Variants in L2HGDH observed in about 807,000 individuals in gnomAD.
L2HGDH encodes L-2-hydroxyglutarate dehydrogenase, mitochondrial.
L2HGDH carries 34 observed loss-of-function variants against 51.5 expected under a neutral mutation model. That is an observed-to-expected ratio of 0.66 (90% CI 0.50 to 0.88). L2HGDH has a LOEUF of 0.88. L2HGDH is among the 40% of genes least tolerant of loss of function. The pLI is 0.00. For missense variants in L2HGDH, 558 were observed against 571.9 expected (o/e 0.98, Z 0.25); for synonymous variants, 198 against 197.9 (o/e 1.00, Z -0.01).
At chr14:50,280,465 G>A (rs1890206643) in intron 5 of L2HGDH, among the ~76,000 whole-genome samples, 1 of 151,800 alleles carries the variant, frequency 6.6e-6, no homozygotes, top group South Asian at 2.1e-4. Flanking sequence ...GCGCCTCCCA[G>A]GTCACTGCTT....
At chr14:50,297,531 C>A (rs1022076724) in intron 3 of L2HGDH, among the ~76,000 whole-genome samples, 18 of 152,108 alleles carry the variant, frequency 1.2e-4, no homozygotes, top group African/African-American at 4.1e-4. Flanking sequence ...AAAAGCATCA[C>A]AAAGAATAAA....
intron 3 of L2HGDH, among the ~76,000 whole-genome samples, chr14:50,300,862 T>C (rs1424591066): frequency 6.6e-6 from 1 of 152,084 alleles, no homozygotes; most frequent in East Asian, 1.9e-4. Context: ...TCTCACTCTG[T>C]TGCCCAGGCT....
chr14:50,272,606 G>A (rs1273030379), intron 6 of L2HGDH, among the ~76,000 whole-genome samples: 1 of 152,120 alleles, frequency 6.6e-6, no homozygotes, highest in Non-Finnish European at 1.5e-5. Context: ...CTGAACACTT[G>A]ACCACAGGTC....
At position 50,243,016 on chromosome 14, in the gene L2HGDH, T is replaced by C. The variant is rs1287737169; in HGVS notation, c.*4042A>G. ...GGCCAGGGCCTGGCAGTATACCCCATTCTCACCACCATCCTTTGAAGAAAG... is the reference window on the plus strand; with the variant it reads ...GGCCAGGGCCTGGCAGTATACCCCACTCTCACCACCATCCTTTGAAGAAAG... On this transcript the variant is annotated 3_prime_UTR_variant, in exon 10 of 10. Coordinates refer to ENST00000267436, the MANE Select transcript of L2HGDH (RefSeq NM_024884.3). 1 of 985,328 alleles carries C rather than the reference T, an allele frequency of 1.0e-6. No homozygotes were observed. Among genetic ancestry groups the C allele is most frequent in the South Asian group, 4.7e-5 (1 of 21,290 alleles). 61.0% of individuals were successfully genotyped at this position (985,328 alleles called of 1,614,324 possible).
At chr14:50,256,508 G>A (rs2139945547) in intron 9 of L2HGDH, among the ~76,000 whole-genome samples, 1 of 147,568 alleles carries the variant, frequency 6.8e-6, no homozygotes, top group Non-Finnish European at 1.5e-5. Context: ...CAGGGCGAGA[G>A]CCTGTCTTAC....
intron 4 of L2HGDH, among the ~76,000 whole-genome samples, chr14:50,292,222 TA>T (rs1220893310): frequency 3.3e-5 from 5 of 152,208 alleles, no homozygotes; most frequent in Admixed American, 6.5e-5. Flanking sequence ...GACTCCACAC[TA>T]CAAAGATGTA....
chr14:50,272,279 T>C (rs1272020950), intron 6 of L2HGDH, among the ~76,000 whole-genome samples: 1 of 152,222 alleles, frequency 6.6e-6, no homozygotes, highest in Non-Finnish European at 1.5e-5. Context: ...AAAGTATATA[T>C]CCACTGGTAT....
chr14:50,298,698 A>T lies in L2HGDH; in HGVS notation c.408+3319T>A, dbSNP rs572354261. Among the ~76,000 whole-genome samples the T allele has an allele frequency of 2.0e-5, 3 of 152,336 alleles. No homozygotes were observed. In the South Asian group the frequency reaches 6.2e-4, roughly 32 times the overall value. ...ACAGAGACTCTATCTCAAAAAAATAAACAAACAAGCAAACAAAACCAATAC... is the reference window on the plus strand; with the variant it reads ...ACAGAGACTCTATCTCAAAAAAATATACAAACAAGCAAACAAAACCAATAC... On this transcript the variant is annotated intron_variant, in intron 3 of 9. Transcript: ENST00000267436.
chr14:50,292,214 C>A (rs1368318958), intron 4 of L2HGDH, among the ~76,000 whole-genome samples: 3 of 152,188 alleles, frequency 2.0e-5, no homozygotes, highest in Non-Finnish European at 2.9e-5. Flanking sequence ...GATTGGAAGA[C>A]TCCACACTAC....
rs774078453 is a variant in L2HGDH, at chr14:50,265,504, A to T, written c.1065-15T>A. On this transcript the variant is annotated splice_polypyrimidine_tract_variant and intron_variant, in intron 8 of 9. Coordinates refer to ENST00000267436, the MANE Select transcript of L2HGDH (RefSeq NM_024884.3). The stretch of plus-strand genomic sequence containing the variant: ...TAATCAAGCCACTGAAAACAGAGAA[A>T]AAAAATCTTTATGAGAGAAAGGAAT... 22 of 1,608,678 alleles carry T rather than the reference A, an allele frequency of 1.4e-5. No individual in the cohort carries two copies. The South Asian group carries it at 2.4e-4, about 18-fold the overall frequency.
At chr14:50,269,391 A>G (rs900663207) in intron 6 of L2HGDH, 61 bp from the exon 7 acceptor site, 9 of 1,485,492 alleles carry the variant, frequency 6.1e-6, no homozygotes, top group Non-Finnish European at 8.4e-6. Flanking sequence ...TCAAGAGGGG[A>G]AAAACAGGTG....
chr14:50,279,858 T>G (rs757667815), intron 5 of L2HGDH, among the ~76,000 whole-genome samples: 6 of 151,938 alleles, frequency 3.9e-5, no homozygotes, highest in Non-Finnish European at 7.4e-5. Context: ...GTCAGGAGTT[T>G]GAGACCAGCC....
At chr14:50,308,336 G>A (rs8015010) in intron 1 of L2HGDH, among the ~76,000 whole-genome samples, 3,976 of 150,606 alleles carry the variant, frequency 0.026, 68 homozygotes, top group Non-Finnish European at 0.03. Flanking sequence ...GCGGTGAGCC[G>A]AGACCGCGCC....
intron 9 of L2HGDH, among the ~76,000 whole-genome samples, chr14:50,259,999 G>T (rs979872861): frequency 3.3e-5 from 5 of 151,592 alleles, no homozygotes; most frequent in African/African-American, 1.2e-4. Flanking sequence ...GAGAGAGAGA[G>T]AGAGAGAGAG....
chr14:50,293,088 G>A lies in L2HGDH; in HGVS notation c.540+1027C>T, dbSNP rs112988796. The A allele has an allele frequency of 1.7e-3, 1,038 of 614,104 alleles. 1 individual carries two copies. The highest frequency in any genetic ancestry group is 5.3e-3 in the Middle Eastern group (21 of 3,946). 38.0% of individuals were successfully genotyped at this position (614,104 alleles called of 1,614,324 possible). On this transcript the variant is annotated intron_variant, in intron 4 of 9. Coordinates refer to ENST00000267436, the MANE Select transcript of L2HGDH (RefSeq NM_024884.3). The stretch of plus-strand genomic sequence containing the variant: ...TGATCACGTCACTGCACTCTAGCCT[G>A]GGTGACAGAGTAAGAACCCATTTAA...
intron 3 of L2HGDH, among the ~76,000 whole-genome samples, chr14:50,295,157 T>A (rs1050340920): frequency 6.6e-6 from 1 of 152,204 alleles, no homozygotes; most frequent in Non-Finnish European, 1.5e-5. Context: ...ATAAAAACTG[T>A]AACTAGACTT....
In L2HGDH at chr14:50,269,163, C is replaced by T. The variant is rs144701373; in HGVS notation, c.906G>A (p.Pro302=). The T allele has an allele frequency of 2.1e-5, 33 of 1,542,296 alleles. No individual in the cohort carries two copies. The highest frequency in any genetic ancestry group is 1.3e-4 in the South Asian group (12 of 90,306). The change falls in exon 7 of 10, where the codon CCG becomes CCA. Residue 302 remains proline, a splice_region_variant and synonymous_variant. Coordinates refer to ENST00000267436, the MANE Select transcript of L2HGDH (RefSeq NM_024884.3). ...AGAAGTAGGAAGCATCATTACCTAC[C>T]GGATAAATATTTCCTTTTACAAGAT... ...KCYLVKGNIY[P]VPDSRFPFLG... is the part of the protein sequence containing the mutation.
At chr14:50,259,985 CAGAGAGAGAGAG>C (rs34001223) in intron 9 of L2HGDH, among the ~76,000 whole-genome samples, 1 of 142,370 alleles carries the variant, frequency 7.0e-6, no homozygotes. Flanking sequence ...GAGAAGAAGA[CAGAGAGAGAGAG>C]AGAGAGAGAG....
chr14:50,282,459 T>A (rs1305623673), intron 5 of L2HGDH: 1 of 456,044 alleles, frequency 2.2e-6, no homozygotes, highest in Non-Finnish European at 4.4e-6. Context: ...AATGAAGCTT[T>A]CCACCTGACA....
Sources: gnomAD v4.1 joint callset for allele counts (sites outside exome capture counted in the v4.1 genomes callset) on GRCh38, gnomAD v4.1.1 for gene constraint, MANE v1.5 for transcripts, NCBI Gene and HGNC (gene_info 2026-07-23, HGNC 2026-07-21) for gene names.